The following GALNT13 variants were observed in gnomAD, a reference collection of about 807,000 sequenced individuals.
The protein encoded by GALNT13 is UDP-GalNAc:polypeptide N-acetylgalactosaminyltransferase 13.
GALNT13 carries 28 observed loss-of-function variants against 64.2 expected under a neutral mutation model. The observed-to-expected ratio is 0.44, with a 90% CI of 0.32 to 0.60. The LOEUF is 0.60. Among genes scored for constraint, GALNT13 ranks in the 20% least tolerant of loss-of-function variants. The pLI is 0.05. For synonymous variants in GALNT13, 214 were observed against 224.6 expected, an observed-to-expected ratio of 0.95 and a Z score of 0.42; for missense variants, 577 against 669.8, an observed-to-expected ratio of 0.86 and a Z score of 1.53.
chr2:153,938,826 A>T lies in GALNT13; in HGVS notation c.-104-5568A>T, dbSNP rs530664726. On this transcript the variant is annotated intron_variant, in intron 2 of 12. Coordinates refer to ENST00000392825, the MANE Select transcript of GALNT13 (RefSeq NM_052917.4). ...CCATCACACTTCATTTTGTCTAATT[A>T]CCTTTTTAAATCCCCTATTTCCAAA... Among the ~76,000 whole-genome samples, 6 of 152,198 alleles carry T rather than the reference A, an allele frequency of 3.9e-5. No individual in the cohort carries two copies. In the South Asian group the frequency reaches 1.2e-3, roughly 32 times the overall value.
At chr2:153,365,757 AG>A in the GALNT13 span, among the ~76,000 whole-genome samples, 1 of 152,210 alleles carries the variant, frequency 6.6e-6, no homozygotes, top group African/African-American at 2.4e-5. Flanking sequence ...GATCCTAGCA[AG>A]GCTGTGGAGA....
At chr2:153,986,901 G>C (rs1177503752) in intron 3 of GALNT13, among the ~76,000 whole-genome samples, 1 of 151,954 alleles carries the variant, frequency 6.6e-6, no homozygotes, top group East Asian at 1.9e-4. Flanking sequence ...ATTAACGATA[G>C]AGGAAGGGAA....
At chr2:153,773,541 G>A in the GALNT13 span, among the ~76,000 whole-genome samples, 1 of 152,130 alleles carries the variant, frequency 6.6e-6, no homozygotes, top group African/African-American at 2.4e-5. Flanking sequence ...GTCCTTTATT[G>A]AAGTAATTTT....
chr2:153,714,135 C>T, the GALNT13 span, among the ~76,000 whole-genome samples: 1 of 152,172 alleles, frequency 6.6e-6, no homozygotes, highest in Non-Finnish European at 1.5e-5. Flanking sequence ...TTCTTGCTAA[C>T]TTGGGACATT....
intron 2 of GALNT13, among the ~76,000 whole-genome samples, chr2:153,902,910 G>A (rs1380721075): frequency 6.6e-6 from 1 of 151,978 alleles, no homozygotes; most frequent in African/African-American, 2.4e-5. Context: ...AGTCATTGCA[G>A]TTTACCAGTG....
the GALNT13 span, among the ~76,000 whole-genome samples, chr2:153,330,017 C>T: frequency 6.6e-6 from 1 of 152,156 alleles, no homozygotes; most frequent in Non-Finnish European, 1.5e-5. Context: ...ATCCCAGCAC[C>T]ATTTATTGAA....
chr2:153,167,206 T>G, the GALNT13 span, among the ~76,000 whole-genome samples: 1 of 152,208 alleles, frequency 6.6e-6, no homozygotes, highest in African/African-American at 2.4e-5. Context: ...AAATGATACT[T>G]CCATTGGCAT....
chr2:153,257,157 C>G, the GALNT13 span, among the ~76,000 whole-genome samples: 1 of 152,182 alleles, frequency 6.6e-6, no homozygotes, highest in Non-Finnish European at 1.5e-5. Flanking sequence ...TCTTGTGGTG[C>G]GCCGTTTTTT....
the GALNT13 span, among the ~76,000 whole-genome samples, chr2:153,305,799 G>C: frequency 6.6e-6 from 1 of 151,996 alleles, no homozygotes; most frequent in Non-Finnish European, 1.5e-5. Flanking sequence ...CCCATGACAG[G>C]TTTTATTTTT....
At chr2:154,412,822 G>A (rs1193113534) in intron 11 of GALNT13, among the ~76,000 whole-genome samples, 1 of 151,598 alleles carries the variant, frequency 6.6e-6, no homozygotes, top group Admixed American at 6.6e-5. Flanking sequence ...TTTTTTTAAA[G>A]CCTTATAAAT....
At chr2:153,205,232 C>T in the GALNT13 span, among the ~76,000 whole-genome samples, 1 of 149,834 alleles carries the variant, frequency 6.7e-6, no homozygotes, top group Admixed American at 6.6e-5. Flanking sequence ...TGACTTAAAC[C>T]TCAACCAAGG....
the GALNT13 span, among the ~76,000 whole-genome samples, chr2:153,833,685 GA>G: frequency 6.6e-6 from 1 of 152,124 alleles, no homozygotes; most frequent in Non-Finnish European, 1.5e-5. Context: ...GTCTTGAAAT[GA>G]ATCTTTCATA....
the GALNT13 span, among the ~76,000 whole-genome samples, chr2:153,469,188 C>T: frequency 6.6e-6 from 1 of 152,110 alleles, no homozygotes; most frequent in Admixed American, 6.5e-5. Flanking sequence ...GCCTTAGAGG[C>T]CATTAAGTAT....
chr2:153,941,316 A>C (rs1024814475), intron 2 of GALNT13, among the ~76,000 whole-genome samples: 1 of 152,342 alleles, frequency 6.6e-6, no homozygotes, highest in African/African-American at 2.4e-5. Flanking sequence ...TTTTTAATAA[A>C]GATAGGAAAT....
At chr2:154,443,486 A>G (rs1701409160) in intron 12 of GALNT13, among the ~76,000 whole-genome samples, 1 of 152,106 alleles carries the variant, frequency 6.6e-6, no homozygotes, top group Non-Finnish European at 1.5e-5. Context: ...GTATATGATT[A>G]TATGTAATAA....
chr2:153,161,650 G>A, the GALNT13 span, among the ~76,000 whole-genome samples: 15 of 152,080 alleles, frequency 9.9e-5, no homozygotes, highest in East Asian at 3.9e-4. Flanking sequence ...GCAGGAATGC[G>A]TCTGGTGTGA....
intron 4 of GALNT13, among the ~76,000 whole-genome samples, chr2:154,169,802 C>T (rs370031186): frequency 2.0e-4 from 31 of 152,140 alleles, no homozygotes; most frequent in African/African-American, 6.3e-4. Flanking sequence ...TAGCACCCAC[C>T]GTATTCAATG....
intron 4 of GALNT13, among the ~76,000 whole-genome samples, chr2:154,187,659 A>G (rs928243987): frequency 2.0e-4 from 30 of 152,272 alleles, no homozygotes; most frequent in African/African-American, 6.5e-4. Flanking sequence ...CTAGGAAGTT[A>G]GAGAGACATG....
At chr2:153,906,303 G>A (rs1333631764) in intron 2 of GALNT13, among the ~76,000 whole-genome samples, 6 of 150,188 alleles carry the variant, frequency 4.0e-5, no homozygotes. Context: ...GTGCAGGTTT[G>A]TTACATATGT....
Sources: allele counts gnomAD v4.1 joint callset (sites outside exome capture counted in the v4.1 genomes callset), GRCh38; gene constraint gnomAD v4.1.1; transcripts MANE v1.5; gene names NCBI Gene and HGNC (gene_info 2026-07-23, HGNC 2026-07-21).